The following RASSF3 variants were observed in gnomAD, a reference collection of about 807,000 sequenced individuals.
RASSF3 encodes the protein ras association domain-containing protein 3.
RASSF3 carries 19 observed loss-of-function variants against 19.9 expected under a neutral mutation model. The observed-to-expected ratio is 0.96, with a 90% CI of 0.67 to 1.40. The LOEUF is 1.40. RASSF3 is among the 40% of genes most tolerant of loss of function. RASSF3 has a pLI of 0.00. For synonymous variants in RASSF3, 110 were observed against 104.2 expected (o/e 1.06, Z -0.34); for missense variants, 306 against 289.8 (o/e 1.06, Z -0.41).
At chr12:64,548,237 T>C (rs1035972348) in intron 2 of RASSF3, among the ~76,000 whole-genome samples, 1 of 152,218 alleles carries the variant, frequency 6.6e-6, no homozygotes, top group African/African-American at 2.4e-5. Context: ...TGGAGTGCAG[T>C]GGCGCAATCA....
chr12:64,546,473 T>C (rs558021918), downstream of RASSF3, among the ~76,000 whole-genome samples: 157 of 152,236 alleles, frequency 1.0e-3, no homozygotes, highest in African/African-American at 3.7e-3. Context: ...GGTTTCACCA[T>C]GTTAGCCAGG....
At chr12:64,654,894 T>G (rs1394765739) in intron 1 of RASSF3, 4 of 152,040 alleles carry the variant, frequency 2.6e-5, no homozygotes, top group Non-Finnish European at 5.9e-5. Context: ...AAATACAATG[T>G]AAAATAAAAT....
chr12:64,620,800 A>G (rs922104604), intron 1 of RASSF3, among the ~76,000 whole-genome samples: 1 of 152,100 alleles, frequency 6.6e-6, no homozygotes, highest in Non-Finnish European at 1.5e-5. Context: ...CTAGTTATAT[A>G]TTGCCAATTT....
chr12:64,604,591 A>G (rs568085025), intron 2 of RASSF3, among the ~76,000 whole-genome samples: 1 of 151,984 alleles, frequency 6.6e-6, no homozygotes, highest in African/African-American at 2.4e-5. Context: ...TATCGGTTCA[A>G]CTATTAAGAG....
chr12:64,528,652 C>A (rs909062808), upstream of RASSF3, among the ~76,000 whole-genome samples: 1 of 152,204 alleles, frequency 6.6e-6, no homozygotes, highest in African/African-American at 2.4e-5. Flanking sequence ...GGAAACCTCC[C>A]TTTAGCATTA....
intron 1 of RASSF3, among the ~76,000 whole-genome samples, chr12:64,520,408 G>A (rs112588264): frequency 2.6e-5 from 4 of 151,452 alleles, no homozygotes; most frequent in Admixed American, 6.6e-5. Context: ...TGATCCGCCC[G>A]CCTCGGCCTC....
chr12:64,696,982 CTT>C lies in RASSF3; in HGVS notation c.*2071_*2072del, dbSNP rs1176676707. 2 of 150,396 alleles carry C rather than the reference CTT, an allele frequency of 1.3e-5. No individual in the cohort carries two copies. Among genetic ancestry groups the C allele is most frequent in the African/African-American group, 4.9e-5 (2 of 40,952 alleles). The allele number at this position is 150,396 out of a possible 1,614,324, so 9.3% of individuals were successfully genotyped here. On this transcript the variant is annotated 3_prime_UTR_variant, in exon 5 of 5. Transcript: ENST00000542104. ...TTTTTTAATTATTCATCCCAGTAAA[CTT>C]ATATTTTGTGAAGCATTTGTTTCTC... is the stretch of plus-strand genomic sequence containing the variant.
intron 2 of RASSF3, among the ~76,000 whole-genome samples, chr12:64,585,881 T>C (rs1196150758): frequency 1.3e-5 from 2 of 152,142 alleles, no homozygotes; most frequent in East Asian, 1.9e-4. Flanking sequence ...ACTGGGATTA[T>C]AGGCATGAGC....
chr12:64,607,319 A>G (rs1870211134), upstream of RASSF3, among the ~76,000 whole-genome samples: 1 of 151,398 alleles, frequency 6.6e-6, no homozygotes, highest in Non-Finnish European at 1.5e-5. Flanking sequence ...AAATATCATT[A>G]TGCTGCTTTT....
chr12:64,662,981 A>AT (rs1454185663), intron 1 of RASSF3, among the ~76,000 whole-genome samples: 1 of 152,204 alleles, frequency 6.6e-6, no homozygotes, highest in African/African-American at 2.4e-5. Flanking sequence ...CACTCAATAA[A>AT]TTTTAGCTAT....
chr12:64,562,933 C>A (rs535099718), intron 2 of RASSF3, among the ~76,000 whole-genome samples: 7 of 151,794 alleles, frequency 4.6e-5, no homozygotes, highest in African/African-American at 1.7e-4. Flanking sequence ...CAACCCAATT[C>A]TTCTCTTTTT....
At chr12:64,541,763 C>T (rs1391536289), downstream of RASSF3, 4 of 398,074 alleles carry the variant, frequency 1.0e-5, no homozygotes, top group Non-Finnish European at 1.8e-5. Context: ...ATCACTCATA[C>T]CCCATAGAAT....
intron 2 of RASSF3, among the ~76,000 whole-genome samples, chr12:64,578,432 C>T (rs1444496168): frequency 2.6e-5 from 4 of 151,956 alleles, no homozygotes; most frequent in Non-Finnish European, 5.9e-5. Flanking sequence ...GGCGGGAGGA[C>T]TGCTTGAGGC....
intron 1 of RASSF3, among the ~76,000 whole-genome samples, chr12:64,625,894 C>CGTTTGT: frequency 6.6e-6 from 1 of 152,170 alleles, no homozygotes; most frequent in Non-Finnish European, 1.5e-5. Flanking sequence ...GCCGACTCTT[C>CGTTTGT]AGAGTTCGTT....
At chr12:64,671,288 G>A (rs943904184) in intron 1 of RASSF3, among the ~76,000 whole-genome samples, 2 of 152,148 alleles carry the variant, frequency 1.3e-5, no homozygotes, top group Non-Finnish European at 2.9e-5. Context: ...AGACTGATCG[G>A]GGCTGGTCCT....
intron 2 of RASSF3, among the ~76,000 whole-genome samples, chr12:64,579,145 CTT>C (rs1869644661): frequency 6.6e-6 from 1 of 151,766 alleles, no homozygotes; most frequent in Non-Finnish European, 1.5e-5. Context: ...AAAAAAATGC[CTT>C]TTTGATGGGG....
At chr12:64,647,846 A>G (rs1871796274) in intron 1 of RASSF3, among the ~76,000 whole-genome samples, 1 of 152,128 alleles carries the variant, frequency 6.6e-6, no homozygotes, top group South Asian at 2.1e-4. Context: ...CACTGTCCCC[A>G]GCCTCCCAAG....
chr12:64,680,021 A>G (rs1000171434), intron 1 of RASSF3, among the ~76,000 whole-genome samples: 1 of 151,998 alleles, frequency 6.6e-6, no homozygotes, highest in African/African-American at 2.4e-5. Flanking sequence ...ATTTTCTTTT[A>G]ACCCTTCTTT....
intron 2 of RASSF3, among the ~76,000 whole-genome samples, chr12:64,565,588 C>T (rs1250912864): frequency 6.6e-6 from 1 of 152,196 alleles, no homozygotes; most frequent in Non-Finnish European, 1.5e-5. Flanking sequence ...TGGCGTGCGC[C>T]TGTAATCCCA....
Sources: allele counts gnomAD v4.1 joint callset (sites outside exome capture counted in the v4.1 genomes callset), GRCh38; gene constraint gnomAD v4.1.1; transcripts MANE v1.5; gene names NCBI Gene and HGNC (gene_info 2026-07-23, HGNC 2026-07-21).